Variants in USP5 observed in about 807,000 individuals in gnomAD.
USP5 encodes the protein ubiquitin specific peptidase 5.
USP5 carries 24 observed loss-of-function variants against 102.5 expected under a neutral mutation model. The observed-to-expected ratio is 0.23, with a 90% confidence interval of 0.17 to 0.33. The LOEUF (loss-of-function observed/expected upper bound fraction) is 0.33. Among genes scored for constraint, USP5 ranks in the 10% least tolerant of loss-of-function variants. The pLI, the probability that USP5 is intolerant of heterozygous loss-of-function variation, is 1.00. For synonymous variants in USP5, 460 were observed against 434.8 expected (o/e 1.06, Z -0.72); for missense variants, 753 against 1,122.1 (o/e 0.67, Z 4.70).
intron 14 of USP5, among the ~76,000 whole-genome samples, 185 bp downstream of exon 14, chr12:6,862,743 A>G (rs998124573): frequency 3.9e-5 from 6 of 152,246 alleles, no homozygotes; most frequent in Admixed American, 6.5e-5. Flanking sequence ...TTTGATTGTT[A>G]TAGGTATGAT....
At chr12:6,857,478 A>G in intron 6 of USP5, 151 bp from the exon 7 acceptor site, 1 of 623,534 alleles carries the variant, frequency 1.6e-6, no homozygotes, top group Admixed American at 2.9e-5. Flanking sequence ...CCATGACCGC[A>G]CTCATATTAC....
chr12:6,853,756 G>A lies in USP5; in HGVS notation c.111+1466G>A, dbSNP rs114840368. Reference sequence around the variant, plus strand: ...CTAGTTCTTTGCTAACCAACTTCCAGCATATTTGGTTACCTTCAAATTGGG... The same window carrying A: ...CTAGTTCTTTGCTAACCAACTTCCAACATATTTGGTTACCTTCAAATTGGG... On this transcript the variant is annotated intron_variant, in intron 1 of 19. Coordinates refer to ENST00000229268, the MANE Select transcript of USP5 (RefSeq NM_001098536.2). Among the ~76,000 whole-genome samples the A allele has an allele frequency of 2.6e-3, 393 of 152,284 alleles. 3 individuals carry two copies. The highest frequency in any genetic ancestry group is 9.3e-3 in the African/African-American group (387 of 41,558).
Position 6,863,470 on chromosome 12 carries a change from G to C in USP5, c.1954+93G>C, listed in dbSNP as rs1337241304. The C allele has an allele frequency of 1.4e-5, 20 of 1,429,842 alleles. No homozygotes were observed. The highest frequency in any genetic ancestry group is 5.7e-5 in the African/African-American group (4 of 70,138). The allele number at this position is 1,429,842 out of a possible 1,614,324, so 88.6% of individuals were successfully genotyped here. ...TGCCCCTGTCCTTTGTGTTTCTCCTGTCCTCCCTTTCAAATTTCCTCTGCC... is the reference window on the plus strand; with the variant it reads ...TGCCCCTGTCCTTTGTGTTTCTCCTCTCCTCCCTTTCAAATTTCCTCTGCC... On this transcript the variant is annotated intron_variant, in intron 15 of 19. Transcript: ENST00000229268. This position sits in a 1 kb window ranked among gnomAD's most constrained non-coding sequence, Gnocchi z 4.7.
chr12:6,860,541 T>C lies in USP5; in HGVS notation c.1344+50T>C, dbSNP rs1422526219. 1.2e-6 allele frequency: 2 copies of C among 1,607,820 alleles called. No homozygotes were observed. The highest frequency in any genetic ancestry group is 1.7e-6 in the Non-Finnish European group (2 of 1,179,112). On this transcript the variant is annotated intron_variant, in intron 11 of 19. Coordinates refer to ENST00000229268, the MANE Select transcript of USP5 (RefSeq NM_001098536.2). This position sits in a 1 kb window ranked among gnomAD's most constrained non-coding sequence, Gnocchi z 5.5. Reference sequence around the variant, plus strand: ...CCCCATCTTCCTGCAATTTACTCGCTCTCCTTCCTGCCCATTTCTCCCTCT... The same window carrying C: ...CCCCATCTTCCTGCAATTTACTCGCCCTCCTTCCTGCCCATTTCTCCCTCT...
At chr12:6,854,042 C>T (rs1331617796) in intron 1 of USP5, among the ~76,000 whole-genome samples, 1 of 151,836 alleles carries the variant, frequency 6.6e-6, no homozygotes, top group Non-Finnish European at 1.5e-5. Flanking sequence ...ATTTCCTCCT[C>T]CACCTTCTCC....
At position 6,863,226 on chromosome 12, in the gene USP5, G is replaced by T; in HGVS notation, c.1803G>T (p.Gln601His). ...TGCCAGAGGAGCTCGACATCTCCCA[G>T]TTGAGGGGCACAGGGCTGCAGCCCG... is the stretch of plus-strand genomic sequence containing the variant. ...IEMPEELDIS[Q>H]LRGTGLQPGE... is the part of the protein sequence containing the mutation. The change falls in exon 15 of 20, where the codon CAG (glutamine) becomes CAT (histidine). Residue 601 changes from glutamine to histidine, a missense_variant. Around this residue, in one of 3 missense-constraint regions of USP5, gnomAD observed 527 missense variants for 816.5 expected, o/e 0.65. Transcript: ENST00000229268. This position sits in a 1 kb window ranked among gnomAD's most constrained non-coding sequence, Gnocchi z 4.7. 2.5e-6 allele frequency: 4 copies of T among 1,614,082 alleles called. No homozygotes were observed.
rs1356812119 is a variant in USP5 at position 6,864,474 on chromosome 12, G to A, written c.2245-248G>A. Among the ~76,000 whole-genome samples, 2 of 152,182 alleles carry A rather than the reference G, an allele frequency of 1.3e-5. No homozygotes were observed. The highest frequency in any genetic ancestry group is 6.5e-5 in the Admixed American group (1 of 15,276). On this transcript the variant is annotated intron_variant, in intron 17 of 19. Coordinates refer to ENST00000229268, the MANE Select transcript of USP5 (RefSeq NM_001098536.2). The surrounding 1 kb of genome is among the most constrained non-coding windows in gnomAD (Gnocchi z 4.8). ...GGAGGGTGAGGTGGGCGGATCACGC[G>A]GTCAGCAGATCAAGACCATCCTGGC...
intron 19 of USP5, among the ~76,000 whole-genome samples, chr12:6,865,543 A>T (rs1944419927): frequency 6.6e-6 from 1 of 152,166 alleles, no homozygotes; most frequent in Admixed American, 6.5e-5. Context: ...GATTACAGGC[A>T]TGAGCTACCG....
In USP5 at chr12:6,860,940, C is replaced by G; in HGVS notation, c.1345-13C>G. 6.2e-7 allele frequency: 1 copy of G among 1,614,036 alleles called. No homozygotes were observed. Among genetic ancestry groups the G allele is most frequent in the Non-Finnish European group, 8.5e-7 (1 of 1,179,950 alleles). On this transcript the variant is annotated splice_polypyrimidine_tract_variant and intron_variant, in intron 11 of 19. Transcript: ENST00000229268. This position sits in a 1 kb window ranked among gnomAD's most constrained non-coding sequence, Gnocchi z 5.5. ...GGCTGCCCAGACCTCCCTACCCTGC[C>G]TCTTTCCCATAGAGGAATTGCCGGA... is the stretch of plus-strand genomic sequence containing the variant.
At position 6,861,307 on chromosome 12, in the gene USP5, G is replaced by A; in HGVS notation, c.1499-136G>A. On this transcript the variant is annotated intron_variant, in intron 12 of 19. Coordinates refer to ENST00000229268, the MANE Select transcript of USP5 (RefSeq NM_001098536.2). The surrounding 1 kb of genome is among the most constrained non-coding windows in gnomAD (Gnocchi z 4.9). ...AGCAGAGCTGCATGGAAACAGGCGAGATATATTGGACATGTGTCAGGGGTG... is the reference window on the plus strand; with the variant it reads ...AGCAGAGCTGCATGGAAACAGGCGAAATATATTGGACATGTGTCAGGGGTG... 1.5e-6 allele frequency: 2 copies of A among 1,292,142 alleles called. No individual in the cohort carries two copies. Among genetic ancestry groups the A allele is most frequent in the South Asian group, 2.9e-5 (2 of 69,744 alleles). 80.0% of individuals were successfully genotyped at this position (1,292,142 alleles called of 1,614,324 possible). A position where few individuals can be genotyped will look rare whatever the true frequency, so the allele number is the denominator to read the frequency against.
Position 6,864,188 on chromosome 12 carries a change from G to C in USP5, c.2237G>C (p.Arg746Pro). 1 of 1,607,496 alleles carries C rather than the reference G, an allele frequency of 6.2e-7. No individual in the cohort carries two copies. Among genetic ancestry groups the C allele is most frequent in the Non-Finnish European group, 8.5e-7 (1 of 1,176,468 alleles). The change falls in exon 17 of 20, where the codon CGG becomes CCG. Residue 746 changes from arginine (R) to proline (P), a missense_variant. Transcript: ENST00000229268. The surrounding 1 kb of genome is among the most constrained non-coding windows in gnomAD (Gnocchi z 4.8). Reference protein sequence around the residue: ...FSRDQALKALRATNNSLERAV... With the variant: ...FSRDQALKALPATNNSLERAV... ...CGGGACCAGGCCTTGAAAGCGCTGC[G>C]GGCCACGGTATGGGCTGCCCCAGCT...
At position 6,864,161 on chromosome 12, in the gene USP5, C is replaced by G; in HGVS notation, c.2210C>G (p.Ser737Cys). 5 of 1,613,330 alleles carry G rather than the reference C, an allele frequency of 3.1e-6. No homozygotes were observed. The East Asian group carries it at 1.1e-4, about 36-fold the overall frequency. Residue 737 changes from serine (S) to cysteine (C), a missense_variant, in exon 17 of 20, where the codon TCC (serine) becomes TGC (cysteine). Coordinates refer to ENST00000229268, the MANE Select transcript of USP5 (RefSeq NM_001098536.2). This position sits in a 1 kb window ranked among gnomAD's most constrained non-coding sequence, Gnocchi z 4.8. ...CVTTIVSMGF[S>C]RDQALKALRA... is the part of the protein sequence containing the mutation. ...ACCACCATTGTCTCCATGGGCTTCT[C>G]CCGGGACCAGGCCTTGAAAGCGCTG...
In USP5 at chr12:6,861,421, CACCA is replaced by C; in HGVS notation, c.1499-18_1499-15del. The C allele has an allele frequency of 6.5e-7, 1 of 1,548,456 alleles. No individual in the cohort carries two copies. Among genetic ancestry groups the C allele is most frequent in the Non-Finnish European group, 8.8e-7 (1 of 1,141,234 alleles). On this transcript the variant is annotated intron_variant, in intron 12 of 19. Transcript: ENST00000229268. This position sits in a 1 kb window ranked among gnomAD's most constrained non-coding sequence, Gnocchi z 4.9. ...AAGAAGCAGCACCCTCCGAAGGATC[CACCA>C]ACCCATTCTGTCACCAGAGGAGCTT...
At chr12:6,865,013 T>C in intron 18 of USP5, 138 bp downstream of exon 18, 1 of 1,351,190 alleles carries the variant, frequency 7.4e-7, no homozygotes, top group Non-Finnish European at 1.0e-6. Flanking sequence ...GAGGGTGGGG[T>C]TCTCTGACAT....
Position 6,856,866 on chromosome 12 carries a change from G to T in USP5, c.744G>T (p.Leu248=), listed in dbSNP as rs782766564. The T allele has an allele frequency of 6.2e-7, 1 of 1,614,054 alleles. No homozygotes were observed. Among genetic ancestry groups the T allele is most frequent in the Non-Finnish European group, 8.5e-7 (1 of 1,179,988 alleles). Residue 248 remains leucine (L), a synonymous_variant, in exon 6 of 20, where the codon CTG becomes CTT. Coordinates refer to ENST00000229268, the MANE Select transcript of USP5 (RefSeq NM_001098536.2). The surrounding 1 kb of genome is among the most constrained non-coding windows in gnomAD (Gnocchi z 5.6). ...CAGGCTACCCGTTAGCTGTCAAGCT[G>T]GGCACCATCACCCCTGATGGAGCTG... is the stretch of plus-strand genomic sequence containing the variant. ...RETGYPLAVK[L]GTITPDGADV... is the part of the protein sequence containing the mutation.
At position 6,852,203 on chromosome 12, in the gene USP5, G is replaced by C; in HGVS notation, c.24G>C (p.Ala8=). Residue 8 remains alanine (A), a synonymous_variant, in exon 1 of 20, where the codon GCG becomes GCC. Coordinates refer to ENST00000229268, the MANE Select transcript of USP5 (RefSeq NM_001098536.2). The part of the protein sequence containing the change: MAELSEE[A]LLSVLPTIRV... The stretch of plus-strand genomic sequence containing the variant: ...TCATGGCGGAGCTGAGTGAGGAGGC[G>C]CTGCTGTCAGTATTACCGACGATCC... The C allele has an allele frequency of 6.2e-7, 1 of 1,612,416 alleles. No individual in the cohort carries two copies. The highest frequency in any genetic ancestry group is 8.5e-7 in the Non-Finnish European group (1 of 1,179,456).
rs1555130084 is a variant in USP5, at chr12:6,863,818, T to C, written c.1955-12T>C. The stretch of plus-strand genomic sequence containing the variant: ...AATCAGTCGGTCCGTGTACCCACAA[T>C]TCCCATTACAGCGCCCATGCTGGAT... On this transcript the variant is annotated splice_polypyrimidine_tract_variant and intron_variant, in intron 15 of 19. Transcript: ENST00000229268. This position sits in a 1 kb window ranked among gnomAD's most constrained non-coding sequence, Gnocchi z 4.7. The C allele has an allele frequency of 6.4e-7, 1 of 1,562,712 alleles. No individual in the cohort carries two copies. The highest frequency in any genetic ancestry group is 1.4e-5 in the African/African-American group (1 of 73,764).
At position 6,856,914 on chromosome 12, in the gene USP5, C is replaced by T. The variant is rs1944132517; in HGVS notation, c.769+23C>T. ...CTGGTACAGCCTCCCCTCCTCCAGC[C>T]ACTCTCATGCTTAAATATATTTCAT... On this transcript the variant is annotated intron_variant, in intron 6 of 19. Transcript: ENST00000229268. The surrounding 1 kb of genome is among the most constrained non-coding windows in gnomAD (Gnocchi z 5.6). The T allele has an allele frequency of 6.2e-7, 1 of 1,607,868 alleles. No homozygotes were observed. The highest frequency in any genetic ancestry group is 1.1e-5 in the South Asian group (1 of 90,938).
At position 6,862,568 on chromosome 12, in the gene USP5, C is replaced by T. The variant is rs202159400; in HGVS notation, c.1762+10C>T. On this transcript the variant is annotated intron_variant, in intron 14 of 19. Transcript: ENST00000229268. ...GTGCCCAAGAAACTGGGTATGGCTG[C>T]TGGAATGAGGGAGGTTACACAGAAA... The T allele has an allele frequency of 5.6e-4, 897 of 1,612,464 alleles. No individual in the cohort carries two copies. The highest frequency in any genetic ancestry group is 6.9e-4 in the Non-Finnish European group (817 of 1,178,550).
Sources: gnomAD v4.1 joint callset for allele counts (sites outside exome capture counted in the v4.1 genomes callset) on GRCh38, gnomAD v4.1.1 for gene constraint, gnomAD v4.1.1 regional missense constraint, Gnocchi (gnomAD v3.1) non-coding constraint, MANE v1.5 for transcripts, NCBI Gene and HGNC (gene_info 2026-07-23, HGNC 2026-07-21) for gene names.